NLK: variants seen among roughly 807,000 people sequenced by gnomAD.
The protein encoded by NLK is nemo like kinase.
Under a neutral mutation model 59.0 loss-of-function variants are expected in NLK, and 11 were observed. That is an observed-to-expected ratio of 0.19 (90% CI 0.12 to 0.31). The LOEUF (loss-of-function observed/expected upper bound fraction) is 0.31. NLK is among the 10% of genes least tolerant of loss of function. The probability of loss-of-function intolerance (pLI) is 1.00; values close to 1 mark genes in which losing one functional copy is unlikely to be tolerated. For missense variants in NLK, 410 were observed against 661.1 expected (o/e 0.62, Z 4.16); for synonymous variants, 235 against 235.9 (o/e 1.00, Z 0.03).
At chr17:28,200,993 C>CA (rs1210790952), downstream of NLK, among the ~76,000 whole-genome samples, 2 of 152,166 alleles carry the variant, frequency 1.3e-5, no homozygotes, top group Non-Finnish European at 2.9e-5. Context: ...GGTCAAAAAT[C>CA]AATTTGCCAT....
intron 1 of NLK, among the ~76,000 whole-genome samples, chr17:28,093,172 G>A (rs1346531528): frequency 6.6e-6 from 1 of 152,112 alleles, no homozygotes; most frequent in Admixed American, 6.5e-5. Flanking sequence ...CATTAGTTGG[G>A]AGGGGAGTTG....
At position 28,122,687 on chromosome 17, in the gene NLK, G is replaced by A. The variant is rs1038180310; in HGVS notation, c.543G>A (p.Arg181=). ...TCCAGAATCTGGTCTCTTGCAAAAG[G>A]GTCTTCCGGGAATTGAAGATGTTGT... ...NVFQNLVSCK[R]VFRELKMLCF... Residue 181 remains arginine (R), a synonymous_variant, in exon 2 of 11, where the codon AGG becomes AGA. Coordinates refer to ENST00000407008, the MANE Select transcript of NLK (RefSeq NM_016231.5). 16 of 1,613,658 alleles carry A rather than the reference G, an allele frequency of 9.9e-6. No homozygotes were observed. The highest frequency in any genetic ancestry group is 1.4e-5 in the Non-Finnish European group (16 of 1,179,790).
intron 2 of NLK, among the ~76,000 whole-genome samples, chr17:28,123,124 G>A (rs892786920): frequency 6.6e-6 from 1 of 152,098 alleles, no homozygotes; most frequent in African/African-American, 2.4e-5. Context: ...TTATTTGAAG[G>A]TTTGAAAATT....
At chr17:28,116,263 C>A in intron 1 of NLK, 1 of 195,732 alleles carries the variant, frequency 5.1e-6, no homozygotes, top group South Asian at 1.1e-4. Context: ...AACCTATATC[C>A]TTCATGTACT....
At chr17:28,074,593 T>C (rs1199953037) in intron 1 of NLK, among the ~76,000 whole-genome samples, 1 of 152,170 alleles carries the variant, frequency 6.6e-6, no homozygotes, top group Non-Finnish European at 1.5e-5. Flanking sequence ...TTCGTGGCCA[T>C]TATATATTTG....
chr17:28,163,134 TC>T (rs1481968965), intron 4 of NLK, among the ~76,000 whole-genome samples: 1 of 152,188 alleles, frequency 6.6e-6, no homozygotes, highest in Non-Finnish European at 1.5e-5. Context: ...GAAACATCTG[TC>T]CTGGGAAAGG....
intron 5 of NLK, among the ~76,000 whole-genome samples, chr17:28,166,825 G>A (rs1908257889): frequency 6.6e-6 from 1 of 152,182 alleles, no homozygotes; most frequent in African/African-American, 2.4e-5. Flanking sequence ...TTGTATAGAA[G>A]TTAACCTGTC....
At chr17:28,142,979 A>G (rs772949534) in intron 3 of NLK, among the ~76,000 whole-genome samples, 3 of 151,404 alleles carry the variant, frequency 2.0e-5, no homozygotes, top group Non-Finnish European at 4.4e-5. Context: ...CAAATTTACT[A>G]TGTCTTTTGG....
intron 1 of NLK, among the ~76,000 whole-genome samples, chr17:28,076,817 A>ATTAC (rs1910173503): frequency 6.6e-6 from 1 of 152,122 alleles, no homozygotes; most frequent in South Asian, 2.1e-4. Context: ...CATCTGTCCT[A>ATTAC]ATCTAACCAA....
chr17:28,106,169 C>G (rs1180322333), intron 1 of NLK, among the ~76,000 whole-genome samples: 1 of 152,086 alleles, frequency 6.6e-6, no homozygotes, highest in African/African-American at 2.4e-5. Context: ...TGAAAACATG[C>G]CTCAAGCAAC....
At chr17:28,051,935 A>G (rs1909269731) in intron 1 of NLK, among the ~76,000 whole-genome samples, 2 of 152,150 alleles carry the variant, frequency 1.3e-5, no homozygotes, top group Middle Eastern at 3.2e-3. Context: ...TAAAGGAGGA[A>G]TGAGATAAAT....
rs34419040 is a variant in NLK at position 28,084,724 on chromosome 17, C to T, written c.459-37879C>T. On this transcript the variant is annotated intron_variant, in intron 1 of 10. Transcript: ENST00000407008. The stretch of plus-strand genomic sequence containing the variant: ...GATTTCAGGCACCTGCCACCATGCC[C>T]GGCTAATTTTTGTATTTTTAGTAGA... Among the ~76,000 whole-genome samples, 1,000 of 152,172 alleles carry T rather than the reference C, an allele frequency of 6.6e-3. 15 individuals are homozygous for T. Among genetic ancestry groups the T allele is most frequent in the African/African-American group, 0.022 (931 of 41,500 alleles).
chr17:28,043,062 T>A lies in NLK; in HGVS notation c.189T>A (p.Pro63=). 1.3e-6 allele frequency: 2 copies of A among 1,565,286 alleles called. No individual in the cohort carries two copies. The highest frequency in any genetic ancestry group is 2.3e-5 in the South Asian group (2 of 86,652). ...LHPGSAAAVH[P]VQQHTSSAAA... ...CGGGGTCGGCTGCCGCTGTACACCCTGTACAGCAGCACACCTCTTCGGCAG... is the reference window on the plus strand; with the variant it reads ...CGGGGTCGGCTGCCGCTGTACACCCAGTACAGCAGCACACCTCTTCGGCAG... Residue 63 remains proline, a synonymous_variant, in exon 1 of 11, where the codon CCT becomes CCA. Transcript: ENST00000407008.
At chr17:28,179,500 G>T (rs531716490) in intron 7 of NLK, among the ~76,000 whole-genome samples, 13 of 152,222 alleles carry the variant, frequency 8.5e-5, no homozygotes, top group South Asian at 4.1e-4. Context: ...GGAGGCCAAG[G>T]CAGGCAAATC....
At chr17:28,097,732 C>T (rs1381901997) in intron 1 of NLK, among the ~76,000 whole-genome samples, 1 of 152,058 alleles carries the variant, frequency 6.6e-6, no homozygotes, top group South Asian at 2.1e-4. Flanking sequence ...GATACTTGTA[C>T]ATTTTCAGTG....
At chr17:28,053,645 C>T (rs962278426) in intron 1 of NLK, among the ~76,000 whole-genome samples, 1 of 152,084 alleles carries the variant, frequency 6.6e-6, no homozygotes, top group African/African-American at 2.4e-5. Flanking sequence ...ATTCTTTGAC[C>T]TAAAATTCTT....
rs182028204 is a variant in NLK at position 28,056,303 on chromosome 17, T to C, written c.458+12972T>C. Among the ~76,000 whole-genome samples, 445 of 152,342 alleles carry C rather than the reference T, an allele frequency of 2.9e-3. 1 individual carries two copies. The highest frequency in any genetic ancestry group is 0.017 in the Middle Eastern group (5 of 294). On this transcript the variant is annotated intron_variant, in intron 1 of 10. Transcript: ENST00000407008. Reference sequence around the variant, plus strand: ...GAAACTAGAGAGTTGGAAGATACTTTAGAATGCGTCTAGTCTAGCTGCCTC... The same window carrying C: ...GAAACTAGAGAGTTGGAAGATACTTCAGAATGCGTCTAGTCTAGCTGCCTC...
chr17:28,130,068 T>C (rs1322161141), intron 2 of NLK, among the ~76,000 whole-genome samples: 3 of 152,236 alleles, frequency 2.0e-5, no homozygotes, highest in Non-Finnish European at 2.9e-5. Context: ...TGTATTTTTT[T>C]GTATTTGAAA....
At chr17:28,063,195 G>T (rs1322815456) in intron 1 of NLK, among the ~76,000 whole-genome samples, 1 of 152,214 alleles carries the variant, frequency 6.6e-6, no homozygotes, top group East Asian at 1.9e-4. Flanking sequence ...GCCTCCCAAA[G>T]TGCTGGGATT....
Sources: gnomAD v4.1 joint callset for allele counts (sites outside exome capture counted in the v4.1 genomes callset) on GRCh38, gnomAD v4.1.1 for gene constraint, MANE v1.5 for transcripts, NCBI Gene and HGNC (gene_info 2026-07-23, HGNC 2026-07-21) for gene names.